Variants in USP16 observed in about 807,000 individuals in gnomAD.
USP16 encodes the protein ubiquitin carboxyl-terminal hydrolase 16.
A neutral mutation model predicts 95.9 loss-of-function variants in USP16; 77 were observed. The ratio of observed to expected loss-of-function variants is 0.80; its 90% CI spans 0.67 to 0.97. The LOEUF is 0.97. USP16 is among the 50% of genes least tolerant of loss of function. USP16 has a pLI of 0.00. For missense variants in USP16, 943 were observed against 959.9 expected, an observed-to-expected ratio of 0.98 and a Z score of 0.23; for synonymous variants, 303 against 318.2, an observed-to-expected ratio of 0.95 and a Z score of 0.51.
At chr21:29,029,299 G>A (rs1260630704) in intron 2 of USP16, among the ~76,000 whole-genome samples, 4 of 152,198 alleles carry the variant, frequency 2.6e-5, no homozygotes, top group Admixed American at 1.3e-4. Context: ...TGTAGTCCCA[G>A]CTACTTGGGA....
chr21:29,031,933 A>G lies in USP16; in HGVS notation c.240+1160A>G, dbSNP rs369104411. Among the ~76,000 whole-genome samples the G allele has an allele frequency of 1.5e-3, 230 of 152,330 alleles. 3 individuals are homozygous for G. The highest frequency in any genetic ancestry group is 5.0e-3 in the African/African-American group (206 of 41,566). On this transcript the variant is annotated intron_variant, in intron 3 of 17. Coordinates refer to ENST00000399976, the MANE Select transcript of USP16 (RefSeq NM_006447.3). ...TTGAAACAACACACCAATCGCAATC[A>G]GATCTCCTGAGTTTGACTTCTTTTT... is the stretch of plus-strand genomic sequence containing the variant.
At chr21:29,046,623 C>T (rs370881892) in intron 13 of USP16, 44 bp from the exon 14 acceptor site, 2 of 1,539,698 alleles carry the variant, frequency 1.3e-6, no homozygotes, top group Non-Finnish European at 1.7e-6. Flanking sequence ...TTCTCCCGCT[C>T]TTTCTTTTTC....
At chr21:29,052,163 T>G (rs915271321) in intron 16 of USP16, 16 of 152,338 alleles carry the variant, frequency 1.1e-4, no homozygotes, top group Admixed American at 8.5e-4. Flanking sequence ...AAATTCTGCA[T>G]GTTTAATGTA....
intron 11 of USP16, 22 bp from the exon 12 acceptor site, chr21:29,042,450 C>CG (rs2085258546): frequency 6.3e-7 from 1 of 1,598,286 alleles, no homozygotes; most frequent in South Asian, 1.1e-5. Context: ...CATTTTTACA[C>CG]TGTCTTTTCT....
At chr21:29,035,480 TCTC>T (rs1272493925) in intron 4 of USP16, among the ~76,000 whole-genome samples, 1 of 151,358 alleles carries the variant, frequency 6.6e-6, no homozygotes, top group Non-Finnish European at 1.5e-5. Flanking sequence ...TTCAAGCAAT[TCTC>T]CTGCCTCAGC....
intron 13 of USP16, among the ~76,000 whole-genome samples, 181 bp downstream of exon 13, chr21:29,043,780 A>G (rs935127233): frequency 5.3e-5 from 8 of 152,250 alleles, no homozygotes; most frequent in African/African-American, 1.9e-4. Context: ...GTATATGTGA[A>G]GAAAACGTCG....
intron 1 of USP16, 41 bp from the exon 2 acceptor site, chr21:29,027,832 A>C: frequency 7.2e-7 from 1 of 1,397,466 alleles, no homozygotes; most frequent in Non-Finnish European, 1.0e-6. Context: ...TATAAGACAT[A>C]CTTTTTTTTT....
chr21:29,038,398 G>A lies in USP16; in HGVS notation c.700G>A (p.Val234Ile), dbSNP rs761254448. The A allele has an allele frequency of 6.2e-7, 1 of 1,612,554 alleles. No individual in the cohort carries two copies. Residue 234 changes from valine (V) to isoleucine (I), a missense_variant, in exon 7 of 18, where the codon GTA becomes ATA. Coordinates refer to ENST00000399976, the MANE Select transcript of USP16 (RefSeq NM_006447.3). The part of the protein sequence containing the change: ...LKEVKMSGTI[V>I]KIEPPDLALT... ...AGAAGTGAAAATGTCTGGAACAATT[G>A]TAAAAATTGAACCACCTGATTTGGC...
At position 29,047,140 on chromosome 21, in the gene USP16, T is replaced by C. The variant is rs746428836; in HGVS notation, c.1830T>C (p.Asn610=). ...GAACAAAGGTGTATGAGGTTGTAAA[T>C]GAAGATCCAGAAACTGCTTTCTGTA... ...TPGTKVYEVV[N]EDPETAFCTL... The change falls in exon 14 of 18, where the codon AAT becomes AAC. Residue 610 remains asparagine, a synonymous_variant. Transcript: ENST00000399976. The C allele has an allele frequency of 9.3e-6, 15 of 1,614,104 alleles. No individual in the cohort carries two copies. Among genetic ancestry groups the C allele is most frequent in the Middle Eastern group, 1.6e-4 (1 of 6,062 alleles).
Position 29,036,367 on chromosome 21 carries a change from A to T in USP16, c.441A>T (p.Pro147=). The T allele has an allele frequency of 6.2e-7, 1 of 1,613,572 alleles. No individual in the cohort carries two copies. The highest frequency in any genetic ancestry group is 8.5e-7 in the Non-Finnish European group (1 of 1,179,752). Residue 147 remains proline, a synonymous_variant, in exon 5 of 18, where the codon CCA becomes CCT. Coordinates refer to ENST00000399976, the MANE Select transcript of USP16 (RefSeq NM_006447.3). The part of the protein sequence containing the change: ...YVRKQASITT[P]KPAEKDNGNI... ...GAAAACAAGCCAGCATTACAACTCCAAAGCCAGGTAAAATAATTTGTTTCT... is the reference window on the plus strand; with the variant it reads ...GAAAACAAGCCAGCATTACAACTCCTAAGCCAGGTAAAATAATTTGTTTCT...
In USP16 at chr21:29,037,354, A is replaced by G; in HGVS notation, c.527A>G (p.Lys176Arg). The G allele has an allele frequency of 6.2e-7, 1 of 1,606,502 alleles. No individual in the cohort carries two copies. Among genetic ancestry groups the G allele is most frequent in the Non-Finnish European group, 8.5e-7 (1 of 1,175,310 alleles). ...KESKNEQERE[K>R]KENMAKENPP... ...AGTAAGAATGAACAAGAGAGAGAAA[A>G]GAAGGAAAACATGGCTAAAGAGAAT... is the stretch of plus-strand genomic sequence containing the variant. Residue 176 changes from lysine (K) to arginine (R), a missense_variant, in exon 6 of 18, where the codon AAG (lysine) becomes AGG (arginine). Physicochemically the swap from Lys to Arg is conservative, Grantham distance 26. Transcript: ENST00000399976.
chr21:29,040,683 T>G lies in USP16; in HGVS notation c.1026T>G (p.Val342=), dbSNP rs2085230591. ...EKLDEELKNK[V]KDYEKKKSMP... The stretch of plus-strand genomic sequence containing the variant: ...TGGATGAAGAACTAAAAAATAAAGT[T>G]AAAGGTAATGTCTGACTTTTTGAAC... The change falls in exon 10 of 18, where the codon GTT becomes GTG. Residue 342 remains valine (V), a synonymous_variant. Transcript: ENST00000399976. 6.6e-7 allele frequency: 1 copy of G among 1,521,450 alleles called. No individual in the cohort carries two copies. Among genetic ancestry groups the G allele is most frequent in the African/African-American group, 1.4e-5 (1 of 72,238 alleles). The allele number at this position is 1,521,450 out of a possible 1,614,324, so 94.2% of individuals were successfully genotyped here. A position where few individuals can be genotyped will look rare whatever the true frequency, so the allele number is the denominator to read the frequency against.
chr21:29,044,224 G>A (rs972550195), intron 13 of USP16, among the ~76,000 whole-genome samples: 2 of 151,982 alleles, frequency 1.3e-5, no homozygotes, highest in African/African-American at 4.8e-5. Flanking sequence ...ATGAGCCACC[G>A]CGCCCGGCCG....
At position 29,043,606 on chromosome 21, in the gene USP16, A is replaced by C. The variant is rs758212919; in HGVS notation, c.1356+7A>C. 1 of 1,526,340 alleles carries C rather than the reference A, an allele frequency of 6.6e-7. No homozygotes were observed. The highest frequency in any genetic ancestry group is 1.3e-5 in the South Asian group (1 of 74,466). 94.5% of individuals were successfully genotyped at this position (1,526,340 alleles called of 1,614,324 possible). A position where few individuals can be genotyped will look rare whatever the true frequency, so the allele number is the denominator to read the frequency against. ...AGCCAAAAAGCAAGCCAAGGTGGGT[A>C]ATTAGGAGGAAAATCATATGCTTGT... On this transcript the variant is annotated splice_region_variant and intron_variant, in intron 13 of 17. Coordinates refer to ENST00000399976, the MANE Select transcript of USP16 (RefSeq NM_006447.3).
chr21:29,038,010 A>G (rs2085187731), intron 6 of USP16, among the ~76,000 whole-genome samples: 1 of 152,248 alleles, frequency 6.6e-6, no homozygotes, highest in African/African-American at 2.4e-5. Flanking sequence ...TGGAGGAAAC[A>G]CAGGATAACC....
intron 2 of USP16, among the ~76,000 whole-genome samples, chr21:29,029,302 A>G (rs1053718194): frequency 6.6e-6 from 1 of 152,190 alleles, no homozygotes. Context: ...AGTCCCAGCT[A>G]CTTGGGAGGC....
intron 6 of USP16, among the ~76,000 whole-genome samples, chr21:29,038,038 C>T (rs756163469): frequency 3.9e-5 from 6 of 152,154 alleles, no homozygotes; most frequent in Non-Finnish European, 8.8e-5. Flanking sequence ...GAAGCAAATA[C>T]GTACCTACAG....
chr21:29,040,100 A>G lies in USP16; in HGVS notation c.952-509A>G, dbSNP rs150637933. 1.1e-4 allele frequency among the ~76,000 whole-genome samples: 17 copies of G among 152,328 alleles called. No homozygotes were observed. The East Asian group carries it at 3.1e-3, about 28-fold the overall frequency. Reference sequence around the variant, plus strand: ...TTATTTCGCACTTATTTTTATGCCAATCACTGTTTTCAGTGTTTTGTATTA... The same window carrying G: ...TTATTTCGCACTTATTTTTATGCCAGTCACTGTTTTCAGTGTTTTGTATTA... On this transcript the variant is annotated intron_variant, in intron 9 of 17. Transcript: ENST00000399976.
At chr21:29,044,275 T>C (rs1161131828) in intron 13 of USP16, among the ~76,000 whole-genome samples, 1 of 151,834 alleles carries the variant, frequency 6.6e-6, no homozygotes, top group Non-Finnish European at 1.5e-5. Context: ...ACATTTTTGT[T>C]TTTTCTTACG....
Sources: gnomAD v4.1 joint callset for allele counts (sites outside exome capture counted in the v4.1 genomes callset) on GRCh38, gnomAD v4.1.1 for gene constraint, MANE v1.5 for transcripts, NCBI Gene and HGNC (gene_info 2026-07-23, HGNC 2026-07-21) for gene names.